Variants in LINGO2 observed in about 807,000 individuals in gnomAD.
The protein encoded by LINGO2 is leucine-rich repeat and immunoglobulin-like domain-containing nogo receptor-interacting protein 2.
LINGO2 carries 14 observed loss-of-function variants against 30.6 expected under a neutral mutation model. The observed-to-expected ratio is 0.46, with a 90% CI of 0.30 to 0.72. The LOEUF is 0.72. LINGO2 is among the 30% of genes least tolerant of loss of function. LINGO2 has a pLI of 0.07. For missense variants in LINGO2, 729 were observed against 751.7 expected (o/e 0.97, Z 0.35); for synonymous variants, 317 against 288.5 (o/e 1.10, Z -1.00).
chr9:29,198,831 G>A, the LINGO2 span, among the ~76,000 whole-genome samples: 7 of 152,020 alleles, frequency 4.6e-5, no homozygotes, highest in East Asian at 1.9e-4. Flanking sequence ...CCAACATAGG[G>A]GATGAATTTC....
chr9:28,481,274 A>G (rs1332486167), intron 1 of LINGO2, among the ~76,000 whole-genome samples: 3 of 152,122 alleles, frequency 2.0e-5, no homozygotes, highest in Non-Finnish European at 4.4e-5. Flanking sequence ...ATTAATATCC[A>G]TATTTTGTAA....
the LINGO2 span, among the ~76,000 whole-genome samples, chr9:29,189,868 C>A: frequency 1.3e-5 from 2 of 151,500 alleles, no homozygotes; most frequent in Non-Finnish European, 2.9e-5. Context: ...GAAAACCAGT[C>A]AGGCGTGGCA....
chr9:28,969,968 A>G, the LINGO2 span, among the ~76,000 whole-genome samples: 4 of 152,216 alleles, frequency 2.6e-5, no homozygotes, highest in Non-Finnish European at 5.9e-5. Context: ...AGCACAGAAG[A>G]GAGTTTGATC....
chr9:28,470,658 A>G (rs2135167303), intron 2 of LINGO2, among the ~76,000 whole-genome samples: 1 of 152,272 alleles, frequency 6.6e-6, no homozygotes, highest in East Asian at 1.9e-4. Context: ...CCTGCAACAA[A>G]TTCTAATCAT....
intron 2 of LINGO2, among the ~76,000 whole-genome samples, chr9:28,441,351 CAGA>C (rs1019935289): frequency 1.6e-5 from 2 of 126,800 alleles, no homozygotes; most frequent in African/African-American, 6.0e-5. Context: ...CAGTTAAATA[CAGA>C]AGCTCTTTGT....
the LINGO2 span, among the ~76,000 whole-genome samples, chr9:28,948,084 A>C: frequency 6.6e-6 from 1 of 152,144 alleles, no homozygotes; most frequent in Admixed American, 6.6e-5. Flanking sequence ...CCTTGATGAC[A>C]CTATTGCTTG....
chr9:28,711,140 T>A, the LINGO2 span, among the ~76,000 whole-genome samples: 1 of 152,288 alleles, frequency 6.6e-6, no homozygotes, highest in East Asian at 1.9e-4. Context: ...ATGTATTTAT[T>A]AAGTGCTTAA....
intron 4 of LINGO2, among the ~76,000 whole-genome samples, chr9:28,229,939 G>C (rs1387808178): frequency 2.6e-5 from 4 of 151,722 alleles, no homozygotes; most frequent in Non-Finnish European, 5.9e-5. Flanking sequence ...CTTGTACAAA[G>C]GAGCTGATTT....
intron 4 of LINGO2, among the ~76,000 whole-genome samples, chr9:28,088,557 G>T (rs912400521): frequency 1.3e-5 from 2 of 151,892 alleles, no homozygotes; most frequent in African/African-American, 4.8e-5. Context: ...TAAGTCCTCT[G>T]GGTACTGACA....
intron 4 of LINGO2, among the ~76,000 whole-genome samples, chr9:28,285,359 T>C (rs537461239): frequency 3.3e-5 from 5 of 151,982 alleles, no homozygotes; most frequent in East Asian, 3.9e-4. Context: ...ATATTACTGA[T>C]TGGAAATCAA....
intron 3 of LINGO2, among the ~76,000 whole-genome samples, chr9:28,357,059 A>G (rs189272898): frequency 6.6e-6 from 1 of 152,308 alleles, no homozygotes; most frequent in Admixed American, 6.5e-5. Flanking sequence ...AATGCATTCA[A>G]GAATAGAATA....
downstream of LINGO2, chr9:27,943,604 G>C (rs1823251238): frequency 9.8e-6 from 1 of 101,660 alleles, no homozygotes; most frequent in South Asian, 4.3e-4. Flanking sequence ...TGTTATGTGA[G>C]ATAGCTGGAG....
chr9:28,138,134 A>G (rs1827568573), intron 4 of LINGO2, among the ~76,000 whole-genome samples: 1 of 152,208 alleles, frequency 6.6e-6, no homozygotes, highest in Non-Finnish European at 1.5e-5. Context: ...ACTTAAAAGT[A>G]ATCGGTGGCC....
chr9:28,249,662 G>A lies in LINGO2; in HGVS notation c.-87+45546C>T, dbSNP rs995868009. Among the ~76,000 whole-genome samples, 4 of 152,022 alleles carry A rather than the reference G, an allele frequency of 2.6e-5. No homozygotes were observed. The East Asian group carries it at 5.8e-4, about 22-fold the overall frequency. On this transcript the variant is annotated intron_variant, in intron 4 of 5. Coordinates refer to ENST00000379992, the Ensembl canonical transcript of LINGO2. The stretch of plus-strand genomic sequence containing the variant: ...AAAAAAAACCCACTTGAGTTTTATT[G>A]GAGAAAATTTTATAGCAATGCTTAA...
chr9:28,720,379 C>G, the LINGO2 span, among the ~76,000 whole-genome samples: 4 of 151,986 alleles, frequency 2.6e-5, 1 homozygote, highest in South Asian at 6.2e-4. Flanking sequence ...GCCAAAGGCC[C>G]TTTCTGTAAA....
At chr9:28,720,009 C>T in the LINGO2 span, among the ~76,000 whole-genome samples, 3,893 of 152,010 alleles carry the variant, frequency 0.026, 173 homozygotes, top group African/African-American at 0.086. Flanking sequence ...TCTGAACTAC[C>T]GAAGCATCTA....
At chr9:28,103,031 A>AT (rs751107032) in intron 4 of LINGO2, among the ~76,000 whole-genome samples, 43 of 152,106 alleles carry the variant, frequency 2.8e-4, no homozygotes, top group Admixed American at 1.1e-3. Flanking sequence ...GCCTCACTAC[A>AT]TTTTCTACTC....
the LINGO2 span, among the ~76,000 whole-genome samples, chr9:28,947,849 C>A: frequency 6.6e-6 from 1 of 151,896 alleles, no homozygotes; most frequent in Non-Finnish European, 1.5e-5. Flanking sequence ...CATGGATGCT[C>A]CAACTTCATT....
chr9:28,343,265 A>G (rs1372498261), intron 3 of LINGO2, among the ~76,000 whole-genome samples: 4 of 152,206 alleles, frequency 2.6e-5, no homozygotes, highest in Non-Finnish European at 5.9e-5. Context: ...CTTATAGTTT[A>G]TGACATAAAT....
Sources: gnomAD v4.1 joint callset for allele counts (sites outside exome capture counted in the v4.1 genomes callset) on GRCh38, gnomAD v4.1.1 for gene constraint, MANE v1.5 for transcripts, NCBI Gene and HGNC (gene_info 2026-07-23, HGNC 2026-07-21) for gene names.